ARHGEF10: variants seen among roughly 807,000 people sequenced by gnomAD.
The protein encoded by ARHGEF10 is Rho guanine nucleotide exchange factor (GEF) 10.
ARHGEF10 carries 140 observed loss-of-function variants against 147.4 expected under a neutral mutation model. That is an observed-to-expected ratio of 0.95 (90% CI 0.83 to 1.09). The LOEUF (loss-of-function observed/expected upper bound fraction) is 1.09. ARHGEF10 is among the 50% of genes least tolerant of loss of function. The pLI is 0.00. For missense variants in ARHGEF10, 2,222 were observed against 1,752.7 expected, an observed-to-expected ratio of 1.27 and a Z score of -4.78; for synonymous variants, 902 against 695.8, an observed-to-expected ratio of 1.30 and a Z score of -4.67.
chr8:1,909,222 A>C, intron 17 of ARHGEF10, 73 bp from the exon 18 acceptor site: 1 of 1,597,970 alleles, frequency 6.3e-7, no homozygotes, highest in South Asian at 1.1e-5. Context: ...TCACTTGAAC[A>C]TCTGAGGGAT....
chr8:1,885,845 C>T (rs1049766687), intron 11 of ARHGEF10, 138 bp downstream of exon 11: 11 of 744,322 alleles, frequency 1.5e-5, no homozygotes, highest in Non-Finnish European at 2.4e-5. Context: ...CTGTAGGTTC[C>T]TGGCCCAGCA....
intron 18 of ARHGEF10, among the ~76,000 whole-genome samples, chr8:1,910,910 T>G (rs1291184885): frequency 2.0e-5 from 3 of 152,242 alleles, no homozygotes; most frequent in Non-Finnish European, 4.4e-5. Context: ...TGCAATGTTA[T>G]ATTTTCTTAT....
chr8:1,833,058 A>ACAGAAG (rs1327988558), intron 1 of ARHGEF10, among the ~76,000 whole-genome samples: 32 of 65,352 alleles, frequency 4.9e-4, no homozygotes, highest in African/African-American at 6.6e-4. Flanking sequence ...AGAGGCAGAG[A>ACAGAAG]GAGACAGAGA....
intron 2 of ARHGEF10, among the ~76,000 whole-genome samples, chr8:1,851,877 G>C (rs367667593): frequency 7.5e-4 from 114 of 151,566 alleles, no homozygotes; most frequent in African/African-American, 2.6e-3. Flanking sequence ...TCGCAATACT[G>C]CACTCCAGCG....
intron 1 of ARHGEF10, among the ~76,000 whole-genome samples, chr8:1,835,055 G>T (rs565224824): frequency 4.3e-4 from 66 of 152,348 alleles, no homozygotes; most frequent in African/African-American, 1.3e-3. Flanking sequence ...AGTGCTGGGC[G>T]CTGATGGCCC....
chr8:1,850,413 C>A (rs541606440), intron 2 of ARHGEF10, among the ~76,000 whole-genome samples: 2 of 144,716 alleles, frequency 1.4e-5, no homozygotes, highest in South Asian at 4.3e-4. Flanking sequence ...GGGTGTGGGG[C>A]AACCGCGTGG....
chr8:1,847,667 G>T (rs1316800516), intron 2 of ARHGEF10, among the ~76,000 whole-genome samples: 2 of 152,190 alleles, frequency 1.3e-5, no homozygotes, highest in African/African-American at 2.4e-5. Flanking sequence ...GCTACAAACC[G>T]CAGTGACACC....
At chr8:1,905,934 G>A (rs1484932440) in intron 17 of ARHGEF10, among the ~76,000 whole-genome samples, 1 of 152,128 alleles carries the variant, frequency 6.6e-6, no homozygotes, top group Non-Finnish European at 1.5e-5. Context: ...AGTACGTAGA[G>A]GTTTATATAC....
intron 11 of ARHGEF10, among the ~76,000 whole-genome samples, chr8:1,889,478 T>G (rs1227006985): frequency 2.4e-5 from 1 of 42,208 alleles, no homozygotes; most frequent in Non-Finnish European, 4.0e-5. Context: ...GAGGAGACAC[T>G]GAGTGGGGTG....
At chr8:1,928,381 C>T (rs372960178) in intron 23 of ARHGEF10, 46 bp from the exon 24 acceptor site, 7 of 1,583,160 alleles carry the variant, frequency 4.4e-6, no homozygotes, top group Admixed American at 3.3e-5. Flanking sequence ...ATTATGGAAG[C>T]CGCCACATGG....
chr8:1,950,100 C>A lies in ARHGEF10; in HGVS notation c.3398-2605C>A, dbSNP rs369561436. 7.2e-5 allele frequency among the ~76,000 whole-genome samples: 11 copies of A among 152,326 alleles called. No homozygotes were observed. The East Asian group carries it at 1.9e-3, about 27-fold the overall frequency. On this transcript the variant is annotated intron_variant, in intron 27 of 28. Transcript: ENST00000349830. ...CGCTCAAGTGCAGTCAGTCCCACTT[C>A]ACACGTGTAACCCATTTACCAACCT... is the stretch of plus-strand genomic sequence containing the variant.
intron 18 of ARHGEF10, among the ~76,000 whole-genome samples, chr8:1,915,146 T>A (rs772065353): frequency 1.3e-5 from 2 of 152,112 alleles, no homozygotes; most frequent in Non-Finnish European, 2.9e-5. Context: ...ATCTGTATGC[T>A]GAGAAAGGCC....
At chr8:1,839,276 GAAGCTGTCT>G (rs1803793368) in intron 1 of ARHGEF10, among the ~76,000 whole-genome samples, 1 of 150,088 alleles carries the variant, frequency 6.7e-6, no homozygotes, top group Non-Finnish European at 1.5e-5. Context: ...GTCTGGTGTG[GAAGCTGTCT>G]GGTGTGGGTA....
intron 8 of ARHGEF10, among the ~76,000 whole-genome samples, chr8:1,878,250 C>T (rs562125455): frequency 3.3e-5 from 5 of 152,066 alleles, no homozygotes; most frequent in South Asian, 4.2e-4. Context: ...AGTACAATGG[C>T]GTGATCTCGG....
chr8:1,868,921 G>C (rs978279072), intron 6 of ARHGEF10, among the ~76,000 whole-genome samples: 8 of 152,098 alleles, frequency 5.3e-5, no homozygotes, highest in Non-Finnish European at 7.4e-5. Context: ...TTTACAGCTG[G>C]TCCATTTAAA....
At chr8:1,879,855 CTATT>C (rs1808031354) in intron 8 of ARHGEF10, among the ~76,000 whole-genome samples, 189 bp from the exon 9 acceptor site, 1 of 152,060 alleles carries the variant, frequency 6.6e-6, no homozygotes, top group Admixed American at 6.5e-5. Flanking sequence ...GCCCAGCCAA[CTATT>C]TGTGCATTTA....
At chr8:1,945,807 C>A in intron 27 of ARHGEF10, 152 bp downstream of exon 27, 1 of 1,184,124 alleles carries the variant, frequency 8.4e-7, no homozygotes. Context: ...GGCCCAGGGA[C>A]AGACGTGGGA....
intron 15 of ARHGEF10, among the ~76,000 whole-genome samples, 154 bp downstream of exon 15, chr8:1,898,679 G>A (rs1183546582): frequency 2.0e-5 from 3 of 152,244 alleles, no homozygotes; most frequent in Non-Finnish European, 4.4e-5. Context: ...GTAGAGGCAG[G>A]TGGAGACCTG....
At chr8:1,850,067 T>C (rs868396821) in intron 2 of ARHGEF10, among the ~76,000 whole-genome samples, 71 of 44,484 alleles carry the variant, frequency 1.6e-3, no homozygotes, top group Middle Eastern at 0.031. Flanking sequence ...GTGGGCCGGC[T>C]GCGTGGACAC....
Sources: gnomAD v4.1 joint callset for allele counts (sites outside exome capture counted in the v4.1 genomes callset) on GRCh38, gnomAD v4.1.1 for gene constraint, MANE v1.5 for transcripts, NCBI Gene and HGNC (gene_info 2026-07-23, HGNC 2026-07-21) for gene names.